GRAMD1B: variants seen among roughly 807,000 people sequenced by gnomAD.
GRAMD1B encodes the protein protein Aster-B.
Under a neutral mutation model 99.7 loss-of-function variants are expected in GRAMD1B, and 37 were observed. The observed-to-expected ratio is 0.37, with a 90% CI of 0.29 to 0.49. The LOEUF is 0.49. Among genes scored for constraint, GRAMD1B ranks in the 20% least tolerant of loss-of-function variants. The pLI, the probability that GRAMD1B is intolerant of heterozygous loss-of-function variation, is 0.98. For missense variants in GRAMD1B, 888 were observed against 1,009.2 expected, an observed-to-expected ratio of 0.88 and a Z score of 1.63; for synonymous variants, 427 against 387.6, an observed-to-expected ratio of 1.10 and a Z score of -1.19.
At chr11:123,560,683 CGTGTGTGTGT>C (rs749623875) in intron 2 of GRAMD1B, 72,731 of 421,706 alleles carry the variant, frequency 0.17, 2,293 homozygotes, top group East Asian at 0.26. Flanking sequence ...ACGCCTGGTG[CGTGTGTGTGT>C]GTGTGTGTGT....
chr11:123,519,125 C>T (rs941231015), intron 2 of GRAMD1B, among the ~76,000 whole-genome samples: 3 of 152,176 alleles, frequency 2.0e-5, no homozygotes, highest in African/African-American at 7.2e-5. Flanking sequence ...GCCTGGAGGG[C>T]AGGGGTGTGC....
chr11:123,603,377 C>T (rs745697223), intron 8 of GRAMD1B, 49 bp from the exon 9 acceptor site: 10 of 1,141,746 alleles, frequency 8.8e-6, no homozygotes, highest in South Asian at 5.0e-5. Flanking sequence ...TGTGCAGAGT[C>T]GGGGGACCTG....
chr11:123,456,681 A>G (rs1304266597), intron 1 of GRAMD1B, among the ~76,000 whole-genome samples: 1 of 152,072 alleles, frequency 6.6e-6, no homozygotes, highest in Non-Finnish European at 1.5e-5. Context: ...GCACTTTGGG[A>G]GGCTGAGTCA....
intron 1 of GRAMD1B, among the ~76,000 whole-genome samples, chr11:123,367,065 T>C (rs922010765): frequency 3.3e-5 from 5 of 152,142 alleles, no homozygotes; most frequent in Non-Finnish European, 5.9e-5. Context: ...TAGCCAGGCA[T>C]GATGGCATGC....
chr11:123,566,300 G>A (rs1222905265), intron 2 of GRAMD1B, among the ~76,000 whole-genome samples: 3 of 152,212 alleles, frequency 2.0e-5, no homozygotes, highest in Non-Finnish European at 4.4e-5. Flanking sequence ...TCTAGACAGA[G>A]TGATAAGGCT....
At chr11:123,403,351 C>T (rs1454334598) in intron 1 of GRAMD1B, among the ~76,000 whole-genome samples, 2 of 150,982 alleles carry the variant, frequency 1.3e-5, no homozygotes, top group African/African-American at 4.9e-5. Flanking sequence ...TGTTTGAACA[C>T]AGGAGATGGA....
At chr11:123,478,352 G>A (rs1951410466) in intron 1 of GRAMD1B, among the ~76,000 whole-genome samples, 2 of 152,186 alleles carry the variant, frequency 1.3e-5, no homozygotes, top group Admixed American at 1.3e-4. Context: ...ATGATGCTTC[G>A]TGTACACATA....
intron 1 of GRAMD1B, among the ~76,000 whole-genome samples, chr11:123,450,133 A>G (rs1480948930): frequency 1.3e-5 from 2 of 152,162 alleles, no homozygotes; most frequent in Non-Finnish European, 2.9e-5. Flanking sequence ...GCACAAGCAC[A>G]TTGGGAACAA....
chr11:123,595,280 A>G (rs1951135384), intron 6 of GRAMD1B, among the ~76,000 whole-genome samples: 1 of 125,402 alleles, frequency 8.0e-6, no homozygotes, highest in African/African-American at 3.0e-5. Context: ...AAGATTAACT[A>G]GATGATTTTT....
At chr11:123,452,987 G>GT (rs1949955830) in intron 1 of GRAMD1B, among the ~76,000 whole-genome samples, 1 of 152,160 alleles carries the variant, frequency 6.6e-6, no homozygotes. Flanking sequence ...GTTACTTTCA[G>GT]TGCATTTTTC....
rs536912940 is a variant in GRAMD1B, at chr11:123,614,905, G to A, written c.2318+70G>A. ...TTTCCAGCCTGGTGCCCCAGCCCTCGTCTCTTGAAGCATCTGAGCACCCTT... is the reference window on the plus strand; with the variant it reads ...TTTCCAGCCTGGTGCCCCAGCCCTCATCTCTTGAAGCATCTGAGCACCCTT... On this transcript the variant is annotated intron_variant, in intron 17 of 19. Coordinates refer to ENST00000635736, the MANE Select transcript of GRAMD1B (RefSeq NM_001387025.1). The A allele has an allele frequency of 1.1e-4, 93 of 843,964 alleles. No homozygotes were observed. The Admixed American group carries it at 1.6e-3, about 14-fold the overall frequency. The allele number at this position is 843,964 out of a possible 1,614,324, so 52.3% of individuals were successfully genotyped here. A position where few individuals can be genotyped will look rare whatever the true frequency, so the allele number is the denominator to read the frequency against.
intron 2 of GRAMD1B, among the ~76,000 whole-genome samples, chr11:123,539,761 A>G (rs1307464849): frequency 6.6e-6 from 1 of 151,982 alleles, no homozygotes; most frequent in Non-Finnish European, 1.5e-5. Flanking sequence ...AGCTACCGAC[A>G]CCCTCATCCA....
chr11:123,622,765 G>C lies in GRAMD1B; in HGVS notation c.*170G>C, dbSNP rs548131751. 1 of 196,624 alleles carries C rather than the reference G, an allele frequency of 5.1e-6. No homozygotes were observed. The highest frequency in any genetic ancestry group is 9.8e-6 in the Non-Finnish European group (1 of 101,664). 12.2% of individuals were successfully genotyped at this position (196,624 alleles called of 1,614,324 possible). On this transcript the variant is annotated 3_prime_UTR_variant, in exon 20 of 20. Transcript: ENST00000635736. ...CCAGGGAGAAGGAGCGGGCCCTCCC[G>C]CGCCCTGTGCTGGCCGGAGCAGCGT...
intron 6 of GRAMD1B, among the ~76,000 whole-genome samples, chr11:123,595,636 T>A (rs1406954161): frequency 6.6e-6 from 1 of 152,142 alleles, no homozygotes; most frequent in Admixed American, 6.6e-5. Flanking sequence ...CAATATTCTG[T>A]GTTTCTGTAA....
intron 1 of GRAMD1B, among the ~76,000 whole-genome samples, chr11:123,362,306 G>A (rs1946170774): frequency 6.6e-6 from 1 of 152,190 alleles, no homozygotes; most frequent in South Asian, 2.1e-4. Context: ...CCTTTGGCTT[G>A]AAACTAGGTC....
Position 123,625,973 on chromosome 11 carries a change from A to AGAGAGAGAGAGAGAGAGAGAGAGC in GRAMD1B, c.*3386_*3387insGAGAGAGAGAGAGAGCGAGAGAGA, listed in dbSNP as rs34697633. 2.9e-5 allele frequency: 4 copies of AGAGAGAGAGAGAGAGAGAGAGAGC among 139,750 alleles called. No individual in the cohort carries two copies. Among genetic ancestry groups the AGAGAGAGAGAGAGAGAGAGAGAGC allele is most frequent in the South Asian group, 2.6e-4 (1 of 3,852 alleles). 8.7% of individuals were successfully genotyped at this position (139,750 alleles called of 1,614,324 possible). Reference sequence around the variant, plus strand: ...GAGAGAGAGAGAGAGAGAGAGAGAGAGAGAGAGATCGAGCTTGATGTATTG... The same window carrying AGAGAGAGAGAGAGAGAGAGAGAGC: ...GAGAGAGAGAGAGAGAGAGAGAGAGAGAGAGAGAGAGAGAGAGAGAGAGCGAGAGAGATCGAGCTTGATGTATTG... On this transcript the variant is annotated 3_prime_UTR_variant, in exon 20 of 20. Coordinates refer to ENST00000635736, the MANE Select transcript of GRAMD1B (RefSeq NM_001387025.1).
chr11:123,377,897 A>G (rs1946743802), intron 1 of GRAMD1B, among the ~76,000 whole-genome samples: 1 of 152,206 alleles, frequency 6.6e-6, no homozygotes, highest in Non-Finnish European at 1.5e-5. Flanking sequence ...AAAAGTGGTC[A>G]TGTGTGTGTA....
intron 2 of GRAMD1B, among the ~76,000 whole-genome samples, chr11:123,564,008 A>C (rs771229061): frequency 1.6e-4 from 25 of 152,246 alleles, no homozygotes; most frequent in Non-Finnish European, 2.6e-4. Flanking sequence ...AAAATAAATC[A>C]GAACCAGGTT....
At chr11:123,613,009 A>T in intron 15 of GRAMD1B, 145 bp downstream of exon 15, 1 of 609,892 alleles carries the variant, frequency 1.6e-6, no homozygotes. Flanking sequence ...CACCTGCTTC[A>T]GAAGTGGACA....
Sources: gnomAD v4.1 joint callset for allele counts (sites outside exome capture counted in the v4.1 genomes callset) on GRCh38, gnomAD v4.1.1 for gene constraint, MANE v1.5 for transcripts, NCBI Gene and HGNC (gene_info 2026-07-23, HGNC 2026-07-21) for gene names.